The following PKHD1L1 variants were observed in gnomAD, a reference collection of about 807,000 sequenced individuals.
PKHD1L1 encodes PKHD1 like 1.
In PKHD1L1, 434 loss-of-function variants were observed where a neutral mutation model predicts 462.9. The observed-to-expected ratio is 0.94, with a 90% CI of 0.87 to 1.02. The LOEUF (loss-of-function observed/expected upper bound fraction) is 1.02. Ranked by LOEUF, PKHD1L1 falls within the 50% of genes least tolerant of loss-of-function variation. The pLI, the probability that PKHD1L1 is intolerant of heterozygous loss-of-function variation, is 0.00. For synonymous variants in PKHD1L1, 1,781 were observed against 1,750.0 expected, an observed-to-expected ratio of 1.02 and a Z score of -0.44; for missense variants, 5,202 against 5,096.1, an observed-to-expected ratio of 1.02 and a Z score of -0.63.
intron 6 of PKHD1L1, 62 bp downstream of exon 6, chr8:109,385,692 A>C: frequency 9.1e-7 from 1 of 1,101,028 alleles, no homozygotes; most frequent in Non-Finnish European, 1.3e-6. Context: ...TATTATAAAA[A>C]TAATGGGTCC....
chr8:109,430,146 C>A, intron 27 of PKHD1L1, 109 bp downstream of exon 27: 1 of 663,590 alleles, frequency 1.5e-6, no homozygotes, highest in East Asian at 3.1e-5. Flanking sequence ...CTAGCTAAAG[C>A]AAGCAAACAG....
At chr8:109,390,601 A>G (rs1812666235) in intron 9 of PKHD1L1, 107 bp downstream of exon 9, 1 of 559,240 alleles carries the variant, frequency 1.8e-6, no homozygotes, top group Admixed American at 4.2e-5. Flanking sequence ...AAAATTAACT[A>G]CTTTTTTTCC....
intron 17 of PKHD1L1, among the ~76,000 whole-genome samples, chr8:109,406,713 C>G (rs1294296297): frequency 6.6e-6 from 1 of 152,068 alleles, no homozygotes; most frequent in Non-Finnish European, 1.5e-5. Context: ...TAATAGCCTA[C>G]TTTATAAATT....
intron 1 of PKHD1L1, 29 bp downstream of exon 1, chr8:109,362,682 A>G (rs370891563): frequency 5.9e-5 from 93 of 1,570,744 alleles, no homozygotes; most frequent in Non-Finnish European, 7.6e-5. Context: ...TAGGCAGGCA[A>G]GCAGGAGAGG....
chr8:109,503,611 T>G (rs1472311560), intron 67 of PKHD1L1, among the ~76,000 whole-genome samples: 4 of 152,324 alleles, frequency 2.6e-5, no homozygotes, highest in Middle Eastern at 6.8e-3. Context: ...TAATGGAGAT[T>G]AAGTTTTTGG....
At chr8:109,468,237 T>A (rs1817549849) in intron 50 of PKHD1L1, among the ~76,000 whole-genome samples, 1 of 152,238 alleles carries the variant, frequency 6.6e-6, no homozygotes, top group Admixed American at 6.6e-5. Context: ...TGTCAGCTTC[T>A]CTTATTAAGA....
chr8:109,401,246 T>C (rs1209942015), intron 13 of PKHD1L1, among the ~76,000 whole-genome samples: 4 of 152,110 alleles, frequency 2.6e-5, no homozygotes, highest in Admixed American at 2.6e-4. Context: ...AAAGCTATGA[T>C]CTGCGTAGTA....
At chr8:109,406,849 A>G (rs893961050) in intron 17 of PKHD1L1, among the ~76,000 whole-genome samples, 4 of 152,056 alleles carry the variant, frequency 2.6e-5, no homozygotes, top group Non-Finnish European at 5.9e-5. Context: ...CACATGGGAG[A>G]CACTGTATAC....
At chr8:109,362,694 C>A in intron 1 of PKHD1L1, 41 bp downstream of exon 1, 1 of 1,553,194 alleles carries the variant, frequency 6.4e-7, no homozygotes, top group Non-Finnish European at 8.7e-7. Flanking sequence ...CAGGAGAGGC[C>A]CGCGTAGACA....
chr8:109,443,404 A>G (rs1038433513), intron 36 of PKHD1L1, among the ~76,000 whole-genome samples: 1 of 152,230 alleles, frequency 6.6e-6, no homozygotes, highest in African/African-American at 2.4e-5. Flanking sequence ...TTAAAATGTA[A>G]GATGACGTTG....
intron 29 of PKHD1L1, 84 bp from the exon 30 acceptor site, chr8:109,436,254 C>CA: frequency 7.1e-7 from 1 of 1,408,388 alleles, no homozygotes; most frequent in Non-Finnish European, 9.7e-7. Context: ...TCTCAAAAGA[C>CA]AATTCTCAAA....
chr8:109,370,604 C>T (rs1013457128), intron 2 of PKHD1L1, among the ~76,000 whole-genome samples: 5 of 151,770 alleles, frequency 3.3e-5, no homozygotes, highest in African/African-American at 1.2e-4. Flanking sequence ...GTGTGCTGCA[C>T]CCATTAACTC....
chr8:109,505,085 T>C (rs1034043672), intron 68 of PKHD1L1, among the ~76,000 whole-genome samples: 2 of 152,046 alleles, frequency 1.3e-5, no homozygotes, highest in Non-Finnish European at 2.9e-5. Context: ...AGACAGGGTC[T>C]TTCTATGTTT....
chr8:109,454,350 GT>G lies in PKHD1L1; in HGVS notation c.6744+107del, dbSNP rs1427001735. 1.2e-5 allele frequency: 9 copies of G among 753,714 alleles called. No individual in the cohort carries two copies. In the Admixed American group the frequency reaches 1.6e-4, roughly 13 times the overall value. The allele number at this position is 753,714 out of a possible 1,614,324, so 46.7% of individuals were successfully genotyped here. A position where few individuals can be genotyped will look rare whatever the true frequency, so the allele number is the denominator to read the frequency against. ...AGTTAATTATATCAACCTCTCCTAA[GT>G]TTATCTTTGTTTAGGTCTCTGTTAT... On this transcript the variant is annotated intron_variant, in intron 44 of 77. Transcript: ENST00000378402.
intron 26 of PKHD1L1, among the ~76,000 whole-genome samples, chr8:109,429,667 C>T (rs1161062044): frequency 6.6e-6 from 1 of 151,886 alleles, no homozygotes; most frequent in African/African-American, 2.4e-5. Context: ...ATTTTTTTAG[C>T]TCTACTATGC....
chr8:109,530,109 A>G lies in PKHD1L1; in HGVS notation c.*19A>G. 1.5e-6 allele frequency: 2 copies of G among 1,324,376 alleles called. No individual in the cohort carries two copies. The highest frequency in any genetic ancestry group is 3.4e-5 in the Admixed American group (1 of 29,396). 82.0% of individuals were successfully genotyped at this position (1,324,376 alleles called of 1,614,324 possible). A position where few individuals can be genotyped will look rare whatever the true frequency, so the allele number is the denominator to read the frequency against. ...CTACTAAAGTGCTGTTCCGAAGAAT[A>G]GGCTGAAACAAAAATATAAGAATTA... is the stretch of plus-strand genomic sequence containing the variant. On this transcript the variant is annotated 3_prime_UTR_variant, in exon 78 of 78. Transcript: ENST00000378402.
chr8:109,532,217 T>C lies in PKHD1L1; in HGVS notation c.*2127T>C, dbSNP rs1298725869. Among the ~76,000 whole-genome samples, 3 of 125,814 alleles carry C rather than the reference T, an allele frequency of 2.4e-5. No individual in the cohort carries two copies. Among genetic ancestry groups the C allele is most frequent in the African/African-American group, 8.5e-5 (3 of 35,190 alleles). The allele number at this position is 125,814 out of a possible 152,430, so 82.5% of individuals were successfully genotyped here. On this transcript the variant is annotated 3_prime_UTR_variant, in exon 78 of 78. Coordinates refer to ENST00000378402, the MANE Select transcript of PKHD1L1 (RefSeq NM_177531.6). ...ACAAGTTATATGGCAGTAAAAGGAA[T>C]TTCTAAAAATTGCTTCTTAGCCACA...
chr8:109,429,547 G>A, intron 26 of PKHD1L1, 85 bp downstream of exon 26: 2 of 1,309,164 alleles, frequency 1.5e-6, no homozygotes, highest in Non-Finnish European at 2.1e-6. Context: ...TGGTGAAACA[G>A]GAGGTTTGAC....
chr8:109,512,609 T>C (rs550035294), intron 71 of PKHD1L1, among the ~76,000 whole-genome samples: 7,064 of 151,728 alleles, frequency 0.047, 229 homozygotes, highest in Non-Finnish European at 0.076. Context: ...CCTTGTAGTA[T>C]AGTTTGAAGT....
Sources: allele counts gnomAD v4.1 joint callset (sites outside exome capture counted in the v4.1 genomes callset), GRCh38; gene constraint gnomAD v4.1.1; transcripts MANE v1.5; gene names NCBI Gene and HGNC (gene_info 2026-07-23, HGNC 2026-07-21).